TAFA2: variants seen among roughly 807,000 people sequenced by gnomAD.
The protein encoded by TAFA2 is chemokine-like protein TAFA-2.
Under a neutral mutation model 18.8 loss-of-function variants are expected in TAFA2, and 7 were observed. The observed-to-expected ratio is 0.37, with a 90% CI of 0.21 to 0.70. TAFA2 has a LOEUF of 0.70. TAFA2 is among the 30% of genes least tolerant of loss of function. The pLI, the probability that TAFA2 is intolerant of heterozygous loss-of-function variation, is 0.53. For synonymous variants in TAFA2, 60 were observed against 54.2 expected (o/e 1.11, Z -0.47); for missense variants, 122 against 158.1 (o/e 0.77, Z 1.23).
intron 2 of TAFA2, among the ~76,000 whole-genome samples, chr12:61,760,021 G>C (rs965364485): frequency 6.7e-5 from 10 of 150,324 alleles, no homozygotes; most frequent in Admixed American, 2.7e-4. Context: ...TAGTAAAGTT[G>C]ACCAGGAAGG....
intron 2 of TAFA2, among the ~76,000 whole-genome samples, chr12:61,788,367 T>C (rs1870826688): frequency 6.6e-6 from 1 of 151,724 alleles, no homozygotes; most frequent in African/African-American, 2.4e-5. Flanking sequence ...CTAATAGATA[T>C]TTATAGAACA....
At chr12:62,063,909 T>C (rs1882420228) in intron 1 of TAFA2, among the ~76,000 whole-genome samples, 1 of 150,690 alleles carries the variant, frequency 6.6e-6, no homozygotes, top group Non-Finnish European at 1.5e-5. Flanking sequence ...CAAAATAGAT[T>C]GGATAATCCT....
At chr12:62,062,431 T>G (rs1592312745) in intron 1 of TAFA2, among the ~76,000 whole-genome samples, 1 of 152,258 alleles carries the variant, frequency 6.6e-6, no homozygotes, top group African/African-American at 2.4e-5. Flanking sequence ...GCCTTCCTCA[T>G]GCTGCAGCTG....
chr12:62,108,408 G>A (rs1869562330), intron 1 of TAFA2, among the ~76,000 whole-genome samples: 1 of 152,150 alleles, frequency 6.6e-6, no homozygotes, highest in South Asian at 2.1e-4. Flanking sequence ...ATTTGGGTTG[G>A]TCCCAAGTCT....
At chr12:61,877,757 C>T (rs1457988495) in intron 1 of TAFA2, among the ~76,000 whole-genome samples, 1 of 152,020 alleles carries the variant, frequency 6.6e-6, no homozygotes, top group Non-Finnish European at 1.5e-5. Flanking sequence ...AGAATTTAAC[C>T]AGTAATCCCT....
intron 4 of TAFA2, among the ~76,000 whole-genome samples, chr12:61,746,557 T>G (rs935603558): frequency 1.3e-5 from 2 of 152,128 alleles, no homozygotes; most frequent in African/African-American, 4.8e-5. Context: ...ACATATCCCT[T>G]AATTTCAGTC....
intron 1 of TAFA2, among the ~76,000 whole-genome samples, chr12:61,926,531 G>A (rs372680056): frequency 2.0e-5 from 3 of 152,142 alleles, no homozygotes; most frequent in African/African-American, 7.2e-5. Context: ...GGAATGCAAG[G>A]CTGGTCCAAC....
intron 1 of TAFA2, among the ~76,000 whole-genome samples, chr12:61,954,786 C>G (rs919675844): frequency 6.6e-6 from 1 of 152,124 alleles, no homozygotes; most frequent in African/African-American, 2.4e-5. Flanking sequence ...ACTAAGCAAC[C>G]TCAGTATTTG....
chr12:62,204,149 A>T (rs2136969342), intron 1 of TAFA2, among the ~76,000 whole-genome samples: 1 of 152,160 alleles, frequency 6.6e-6, no homozygotes, highest in South Asian at 2.1e-4. Flanking sequence ...TTTTTTAAGA[A>T]TGTTGAATAT....
At chr12:62,069,808 T>A (rs1038674667) in intron 1 of TAFA2, among the ~76,000 whole-genome samples, 1 of 152,208 alleles carries the variant, frequency 6.6e-6, no homozygotes, top group African/African-American at 2.4e-5. Flanking sequence ...ATGTGCATAA[T>A]CATGGCATGC....
At chr12:61,986,639 G>T in intron 1 of TAFA2, among the ~76,000 whole-genome samples, 1 of 143,364 alleles carries the variant, frequency 7.0e-6, no homozygotes, top group Non-Finnish European at 1.5e-5. Context: ...TCATTTACTG[G>T]CCATGAGACT....
At chr12:61,735,864 T>G (rs1267716666) in intron 4 of TAFA2, among the ~76,000 whole-genome samples, 1 of 152,020 alleles carries the variant, frequency 6.6e-6, no homozygotes, top group East Asian at 1.9e-4. Context: ...CAAAATTATT[T>G]GTGGAGTGAT....
chr12:61,874,633 C>A (rs1206150480), intron 1 of TAFA2, among the ~76,000 whole-genome samples: 1 of 152,106 alleles, frequency 6.6e-6, no homozygotes, highest in African/African-American at 2.4e-5. Context: ...ACCTTTACCA[C>A]CCACAGATTG....
At chr12:62,176,782 A>T (rs1376653008) in intron 1 of TAFA2, among the ~76,000 whole-genome samples, 1 of 152,216 alleles carries the variant, frequency 6.6e-6, no homozygotes, top group African/African-American at 2.4e-5. Flanking sequence ...CCTACTTAGC[A>T]TTTCCAGATA....
At chr12:62,182,422 C>G (rs1180127588) in intron 1 of TAFA2, among the ~76,000 whole-genome samples, 3 of 152,148 alleles carry the variant, frequency 2.0e-5, no homozygotes, top group Admixed American at 2.0e-4. Context: ...TTGAAGGCTT[C>G]CCACCTTTTC....
At chr12:61,725,876 C>T (rs1397188689) in intron 4 of TAFA2, among the ~76,000 whole-genome samples, 1 of 151,942 alleles carries the variant, frequency 6.6e-6, no homozygotes, top group East Asian at 1.9e-4. Flanking sequence ...TATGCAGACA[C>T]AAAGGCATAA....
chr12:61,822,201 T>G (rs532187487), intron 2 of TAFA2, among the ~76,000 whole-genome samples: 5 of 152,170 alleles, frequency 3.3e-5, no homozygotes, highest in African/African-American at 1.2e-4. Flanking sequence ...CATTTTTCTC[T>G]TCACTGAAGA....
At chr12:61,749,990 A>ACC (rs1307227319) in intron 4 of TAFA2, among the ~76,000 whole-genome samples, 180 of 141,222 alleles carry the variant, frequency 1.3e-3, no homozygotes, top group African/African-American at 4.2e-3. Context: ...ATATCAAAAC[A>ACC]CCCCACACAC....
At chr12:61,829,091 A>G (rs1365489425) in intron 2 of TAFA2, among the ~76,000 whole-genome samples, 1 of 151,774 alleles carries the variant, frequency 6.6e-6, no homozygotes, top group Non-Finnish European at 1.5e-5. Context: ...GATATTTGTG[A>G]GTATTAAGTA....
Sources: allele counts gnomAD v4.1 joint callset (sites outside exome capture counted in the v4.1 genomes callset), GRCh38; gene constraint gnomAD v4.1.1; transcripts MANE v1.5; gene names NCBI Gene and HGNC (gene_info 2026-07-23, HGNC 2026-07-21).